The following NOL8 variants were observed in gnomAD, a reference collection of about 807,000 sequenced individuals.
NOL8 encodes nucleolar protein 8, also known as nucleolar protein Nop132.
Under a neutral mutation model 116.1 loss-of-function variants are expected in NOL8, and 93 were observed. The ratio of observed to expected loss-of-function variants is 0.80; its 90% CI spans 0.68 to 0.95. The LOEUF (loss-of-function observed/expected upper bound fraction) is 0.95, where lower values mean the gene tolerates loss of function less well. Among genes scored for constraint, NOL8 ranks in the 40% least tolerant of loss-of-function variants. The probability of loss-of-function intolerance (pLI) is 0.00; values close to 1 mark genes in which losing one functional copy is unlikely to be tolerated. For synonymous variants in NOL8, 419 were observed against 469.0 expected, an observed-to-expected ratio of 0.89 and a Z score of 1.38; for missense variants, 1,291 against 1,382.8, an observed-to-expected ratio of 0.93 and a Z score of 1.05.
chr9:92,304,655 G>T (rs371754091), intron 12 of NOL8, among the ~76,000 whole-genome samples: 2 of 152,120 alleles, frequency 1.3e-5, no homozygotes, highest in Non-Finnish European at 1.5e-5. Context: ...CTTTTTAAAA[G>T]AATAATTTTG....
intron 12 of NOL8, among the ~76,000 whole-genome samples, chr9:92,304,192 G>C: frequency 6.6e-6 from 1 of 152,166 alleles, no homozygotes. Context: ...CCAAGTCAAC[G>C]GTCAGGAAGA....
chr9:92,320,859 G>A lies in NOL8; in HGVS notation c.281+809C>T, dbSNP rs192421243. ...TGACCTCAGGTGATCCACCCGCCTC[G>A]GCCTCCCAAAGTGCTGGGATTACAG... is the stretch of plus-strand genomic sequence containing the variant. On this transcript the variant is annotated intron_variant, in intron 4 of 16. Coordinates refer to ENST00000442668, the MANE Select transcript of NOL8 (RefSeq NM_017948.6). 5.3e-4 allele frequency among the ~76,000 whole-genome samples: 81 copies of A among 152,190 alleles called. No individual in the cohort carries two copies. The East Asian group carries it at 0.014, about 25-fold the overall frequency.
intron 8 of NOL8, 32 bp downstream of exon 8, chr9:92,311,114 G>T: frequency 6.6e-7 from 1 of 1,508,254 alleles, no homozygotes; most frequent in Non-Finnish European, 9.2e-7. Flanking sequence ...AGAAGTAGAT[G>T]AATGTCCACA....
In NOL8 at chr9:92,318,689, A is replaced by G. The variant is rs2130728124; in HGVS notation, c.418-3T>C. On this transcript the variant is annotated splice_polypyrimidine_tract_variant and splice_region_variant and intron_variant, in intron 5 of 16. Coordinates refer to ENST00000442668, the MANE Select transcript of NOL8 (RefSeq NM_017948.6). The stretch of plus-strand genomic sequence containing the variant: ...CCAAATTTGCTCACAACCCAATTCT[A>G]AAAGAAAAAAAAAGAATTTATTTAC... The G allele has an allele frequency of 6.4e-7, 1 of 1,550,670 alleles. No individual in the cohort carries two copies. The highest frequency in any genetic ancestry group is 2.3e-5 in the East Asian group (1 of 43,994).
At chr9:92,320,837 C>T (rs1361694482) in intron 4 of NOL8, among the ~76,000 whole-genome samples, 3 of 152,182 alleles carry the variant, frequency 2.0e-5, no homozygotes, top group African/African-American at 7.2e-5. Flanking sequence ...GAACTCCTGA[C>T]CTCAGGTGAT....
chr9:92,314,664 T>A lies in NOL8; in HGVS notation c.1961A>T (p.Gln654Leu). Reference sequence around the variant, plus strand: ...GCTAGGGGACACTGCCTTGCGATCCTGGCTTTCAAAAGTGGTCTGTCTTTT... The same window carrying A: ...GCTAGGGGACACTGCCTTGCGATCCAGGCTTTCAAAAGTGGTCTGTCTTTT... ...PQKRQTTFES[Q>L]DRKAVSPSSS... The change falls in exon 7 of 17, where the codon CAG (glutamine) becomes CTG (leucine). Residue 654 changes from glutamine (Q) to leucine (L), a missense_variant. Physicochemically the swap from Gln to Leu is moderately radical, Grantham distance 113 (BLOSUM62 -2). Transcript: ENST00000442668. 6.2e-7 allele frequency: 1 copy of A among 1,613,700 alleles called. No individual in the cohort carries two copies. The highest frequency in any genetic ancestry group is 8.5e-7 in the Non-Finnish European group (1 of 1,179,764).
intron 11 of NOL8, 64 bp from the exon 12 acceptor site, chr9:92,305,894 T>A: frequency 9.3e-7 from 1 of 1,076,828 alleles, no homozygotes; most frequent in Non-Finnish European, 1.4e-6. Flanking sequence ...AAAAAGTAAG[T>A]AGCAAATTAT....
intron 2 of NOL8, 104 bp downstream of exon 2, chr9:92,323,919 T>C: frequency 1.6e-6 from 2 of 1,266,012 alleles, no homozygotes; most frequent in Non-Finnish European, 2.2e-6. Context: ...CACTTAAAAC[T>C]TTTGGTGTTC....
In NOL8 at chr9:92,298,911, AAAAG is replaced by A; in HGVS notation, c.3342_3345del (p.Phe1115SerfsTer18). 6.5e-7 allele frequency: 1 copy of A among 1,539,504 alleles called. No homozygotes were observed. Among genetic ancestry groups the A allele is most frequent in the Non-Finnish European group, 8.8e-7 (1 of 1,139,766 alleles). On this transcript the variant is annotated frameshift_variant, in exon 15 of 17. Coordinates refer to ENST00000442668, the MANE Select transcript of NOL8 (RefSeq NM_017948.6). LOFTEE classifies it high-confidence loss of function. ...TGAAGTCGTTCATCATTCTTAGAGAAAAAGAAAAATCTAGTGGTCTCTTTCTCAA... is the reference window on the plus strand; with the variant it reads ...TGAAGTCGTTCATCATTCTTAGAGAAAAAAATCTAGTGGTCTCTTTCTCAA...
At chr9:92,309,991 A>G (rs1033723543) in intron 10 of NOL8, among the ~76,000 whole-genome samples, 180 bp downstream of exon 10, 6 of 152,070 alleles carry the variant, frequency 3.9e-5, no homozygotes, top group Admixed American at 3.9e-4. Context: ...AAGTAATTAA[A>G]TTTTCCTAAA....
Position 92,314,682 on chromosome 9 carries a change from T to C in NOL8, c.1943A>G (p.Gln648Arg), listed in dbSNP as rs1035024933. ...GCGATCCTGGCTTTCAAAAGTGGTC[T>C]GTCTTTTTTGAGGCTGAATATAGTT... is the stretch of plus-strand genomic sequence containing the variant. ...GPNYIQPQKR[Q>R]TTFESQDRKA... Residue 648 changes from glutamine (Q) to arginine (R), a missense_variant, in exon 7 of 17, where the codon CAG becomes CGG. Physicochemically the swap from Gln to Arg is conservative, Grantham distance 43. Transcript: ENST00000442668. 1 of 1,613,674 alleles carries C rather than the reference T, an allele frequency of 6.2e-7. No homozygotes were observed. The highest frequency in any genetic ancestry group is 1.1e-5 in the South Asian group (1 of 90,994).
chr9:92,307,335 AT>A (rs1564213055), intron 10 of NOL8, among the ~76,000 whole-genome samples: 2 of 152,328 alleles, frequency 1.3e-5, no homozygotes, highest in East Asian at 3.9e-4. Context: ...CAAGATACTA[AT>A]AACTACAGTG....
At chr9:92,299,819 T>A in intron 14 of NOL8, 71 bp downstream of exon 14, 1 of 1,501,054 alleles carries the variant, frequency 6.7e-7, no homozygotes, top group Non-Finnish European at 9.1e-7. Flanking sequence ...GAAGCTAAAA[T>A]ATTTCTAAAG....
chr9:92,297,916 TA>T, intron 16 of NOL8, 30 bp from the exon 17 acceptor site: 1 of 1,524,160 alleles, frequency 6.6e-7, no homozygotes. Context: ...TGGTTAGCAA[TA>T]AACAAATTGT....
At chr9:92,302,420 T>C (rs534111161) in intron 12 of NOL8, among the ~76,000 whole-genome samples, 120 of 152,206 alleles carry the variant, frequency 7.9e-4, no homozygotes, top group Non-Finnish European at 1.4e-3. Context: ...ATTAAAATCC[T>C]TTTTCCTCGA....
At chr9:92,305,005 A>G (rs1053885756) in intron 12 of NOL8, among the ~76,000 whole-genome samples, 2 of 151,928 alleles carry the variant, frequency 1.3e-5, no homozygotes, top group Non-Finnish European at 2.9e-5. Context: ...CTGCACATCT[A>G]TAGGAAACAG....
chr9:92,311,756 T>C (rs1023952180), intron 7 of NOL8, among the ~76,000 whole-genome samples: 2 of 152,210 alleles, frequency 1.3e-5, no homozygotes, highest in Non-Finnish European at 2.9e-5. Context: ...CTGGTGGGAA[T>C]GTAAATGCAT....
chr9:92,305,657 C>T lies in NOL8; in HGVS notation c.2903+96G>A, dbSNP rs143315874. 6.8e-3 allele frequency: 5,814 copies of T among 850,606 alleles called. 25 individuals are homozygous for T. Among genetic ancestry groups the T allele is most frequent in the Non-Finnish European group, 9.4e-3 (4,785 of 511,156 alleles). The allele number at this position is 850,606 out of a possible 1,614,324, so 52.7% of individuals were successfully genotyped here. On this transcript the variant is annotated intron_variant, in intron 12 of 16. Coordinates refer to ENST00000442668, the MANE Select transcript of NOL8 (RefSeq NM_017948.6). ...CCCACCAATCTTAATACAGTGGGAC[C>T]AATGAGTAGGATATTGGTTCCTACC...
chr9:92,298,156 G>T, intron 16 of NOL8, 101 bp downstream of exon 16: 1 of 865,546 alleles, frequency 1.2e-6, no homozygotes, highest in Non-Finnish European at 1.8e-6. Flanking sequence ...CCAGTCTGCA[G>T]TCTCCTCACC....
Sources: gnomAD v4.1 joint callset for allele counts (sites outside exome capture counted in the v4.1 genomes callset) on GRCh38, gnomAD v4.1.1 for gene constraint, MANE v1.5 for transcripts, NCBI Gene and HGNC (gene_info 2026-07-23, HGNC 2026-07-21) for gene names.